Variants in PTPRD observed in about 807,000 individuals in gnomAD.
The protein encoded by PTPRD is receptor-type tyrosine-protein phosphatase delta.
Under a neutral mutation model 214.5 loss-of-function variants are expected in PTPRD, and 34 were observed. The observed-to-expected ratio is 0.16, with a 90% CI of 0.12 to 0.21. PTPRD has a LOEUF of 0.21. Among genes scored for constraint, PTPRD ranks in the 10% least tolerant of loss-of-function variants. The pLI is 1.00. For synonymous variants in PTPRD, 1,128 were observed against 845.7 expected, an observed-to-expected ratio of 1.33 and a Z score of -5.79; for missense variants, 2,545 against 2,398.7, an observed-to-expected ratio of 1.06 and a Z score of -1.27.
intron 3 of PTPRD, among the ~76,000 whole-genome samples, chr9:10,197,738 T>C (rs1661723639): frequency 1.3e-5 from 2 of 152,012 alleles, no homozygotes; most frequent in Admixed American, 6.6e-5. Flanking sequence ...GGCTGAGATA[T>C]GCAGTTTATA....
chr9:9,299,299 T>C (rs1450819626), intron 9 of PTPRD, among the ~76,000 whole-genome samples: 1 of 151,768 alleles, frequency 6.6e-6, no homozygotes, highest in Non-Finnish European at 1.5e-5. Flanking sequence ...AAGGGTGATT[T>C]TGCCCCCCAG....
At chr9:9,537,860 C>T (rs1174873656) in intron 8 of PTPRD, among the ~76,000 whole-genome samples, 1 of 151,876 alleles carries the variant, frequency 6.6e-6, no homozygotes, top group African/African-American at 2.4e-5. Context: ...AATTCATTTA[C>T]ATTTTAATGA....
At chr9:8,647,437 C>T (rs2096718590) in intron 12 of PTPRD, among the ~76,000 whole-genome samples, 1 of 151,894 alleles carries the variant, frequency 6.6e-6, no homozygotes, top group Admixed American at 6.6e-5. Context: ...ATTTTGTAAC[C>T]AACGTTTCAT....
chr9:10,530,141 C>T (rs971749847), intron 2 of PTPRD, among the ~76,000 whole-genome samples: 2 of 152,114 alleles, frequency 1.3e-5, no homozygotes, highest in Non-Finnish European at 2.9e-5. Context: ...ACTGTTTAGA[C>T]AATACATCTT....
chr9:9,066,255 T>C (rs1387530267), intron 10 of PTPRD, among the ~76,000 whole-genome samples: 2 of 152,154 alleles, frequency 1.3e-5, no homozygotes, highest in African/African-American at 2.4e-5. Flanking sequence ...TTACTTCTTA[T>C]GTTTGGAAGA....
At chr9:9,615,550 C>G (rs77046857) in intron 7 of PTPRD, among the ~76,000 whole-genome samples, 13,465 of 152,170 alleles carry the variant, frequency 0.088, 643 homozygotes, top group Middle Eastern at 0.18. Context: ...GCTACATTTA[C>G]CATAGTTTGT....
intron 10 of PTPRD, among the ~76,000 whole-genome samples, chr9:9,174,878 T>C (rs2099923684): frequency 6.6e-6 from 1 of 152,124 alleles, no homozygotes; most frequent in South Asian, 2.1e-4. Flanking sequence ...CACCCAAAAT[T>C]CATAATCTGA....
chr9:9,345,204 AC>A (rs2137643174), intron 9 of PTPRD, among the ~76,000 whole-genome samples: 1 of 152,298 alleles, frequency 6.6e-6, no homozygotes, highest in Admixed American at 6.5e-5. Context: ...ATTCTTCCTT[AC>A]TGATAATTAC....
rs148055920 is a variant in PTPRD, at chr9:8,925,337, G to C, written c.-104+93360C>G. Among the ~76,000 whole-genome samples, 303 of 152,030 alleles carry C rather than the reference G, an allele frequency of 2.0e-3. 1 individual carries two copies. Among genetic ancestry groups the C allele is most frequent in the African/African-American group, 7.1e-3 (296 of 41,442 alleles). Reference sequence around the variant, plus strand: ...GATGGCTCCGAGGCAGGGGATGCAGGGGAAGGTACATTCTCCACTATATAG... The same window carrying C: ...GATGGCTCCGAGGCAGGGGATGCAGCGGAAGGTACATTCTCCACTATATAG... On this transcript the variant is annotated intron_variant, in intron 11 of 45. Coordinates refer to ENST00000381196, the MANE Select transcript of PTPRD (RefSeq NM_002839.4).
chr9:9,498,503 T>A (rs571181961), intron 8 of PTPRD, among the ~76,000 whole-genome samples: 6 of 152,242 alleles, frequency 3.9e-5, no homozygotes, highest in African/African-American at 1.2e-4. Flanking sequence ...TCTCACTTCA[T>A]TGACATTTCA....
intron 8 of PTPRD, among the ~76,000 whole-genome samples, chr9:9,458,516 T>C (rs1289623840): frequency 6.6e-6 from 1 of 152,070 alleles, no homozygotes; most frequent in African/African-American, 2.4e-5. Context: ...GTATGAAATG[T>C]ATGAAAAGTG....
chr9:8,740,271 G>A (rs969625730), intron 11 of PTPRD, among the ~76,000 whole-genome samples: 22 of 151,998 alleles, frequency 1.4e-4, no homozygotes, highest in African/African-American at 5.3e-4. Flanking sequence ...TAATATTAAA[G>A]GAAAAATTAT....
chr9:9,670,313 A>C, intron 7 of PTPRD, among the ~76,000 whole-genome samples: 1 of 152,140 alleles, frequency 6.6e-6, no homozygotes. Context: ...CCAAGCAGCA[A>C]AGCATTCAAG....
Position 10,509,505 on chromosome 9 carries a change from T to TCTATCTATC in PTPRD, c.-600+102892_-600+102893insGATAGATAG, listed in dbSNP as rs1351429042. On this transcript the variant is annotated intron_variant, in intron 2 of 45. Coordinates refer to ENST00000381196, the MANE Select transcript of PTPRD (RefSeq NM_002839.4). ...TCTATCTATCTATCTATCTATCTAA[T>TCTATCTATC]GATCATTATAGCTGACTTACCTATA... Among the ~76,000 whole-genome samples the TCTATCTATC allele has an allele frequency of 8.0e-5, 5 of 62,412 alleles. No homozygotes were observed. In the East Asian group the frequency reaches 2.1e-3, roughly 27 times the overall value. The allele number at this position is 62,412 out of a possible 152,430, so 40.9% of individuals were successfully genotyped here. A position where few individuals can be genotyped will look rare whatever the true frequency, so the allele number is the denominator to read the frequency against.
intron 9 of PTPRD, among the ~76,000 whole-genome samples, chr9:9,242,904 A>G (rs965377808): frequency 6.6e-6 from 1 of 151,808 alleles, no homozygotes; most frequent in Non-Finnish European, 1.5e-5. Context: ...CCTTTGGAGG[A>G]GAAGAGTTGC....
Position 8,460,439 on chromosome 9 carries a change from T to C in PTPRD, c.3847A>G (p.Ile1283Val), listed in dbSNP as rs2096365588. ...PVLAVVFIIC[I>V]VIAILLYKRK... ...TTATAAAGAAGAATAGCAATGACAA[T>C]GCAGATGATAAAGACCACTGCAAGG... is the stretch of plus-strand genomic sequence containing the variant. Residue 1283 changes from isoleucine (I) to valine (V), a missense_variant, in exon 33 of 46, where the codon ATT becomes GTT. Coordinates refer to ENST00000381196, the MANE Select transcript of PTPRD (RefSeq NM_002839.4). 6.2e-7 allele frequency: 1 copy of C among 1,613,170 alleles called. No individual in the cohort carries two copies. The highest frequency in any genetic ancestry group is 8.5e-7 in the Non-Finnish European group (1 of 1,179,498).
chr9:8,881,908 A>G (rs2098449284), intron 11 of PTPRD, among the ~76,000 whole-genome samples: 1 of 152,180 alleles, frequency 6.6e-6, no homozygotes, highest in Admixed American at 6.5e-5. Context: ...ACTCGGAGGA[A>G]AGAAAGGAGA....
chr9:9,176,991 T>C (rs1464578886), intron 10 of PTPRD, among the ~76,000 whole-genome samples: 1 of 152,186 alleles, frequency 6.6e-6, no homozygotes, highest in Admixed American at 6.5e-5. Context: ...TTTTTCTGTC[T>C]GTATATCCTA....
chr9:9,452,908 T>C (rs905331288), intron 8 of PTPRD, among the ~76,000 whole-genome samples: 2 of 151,582 alleles, frequency 1.3e-5, no homozygotes, highest in Non-Finnish European at 3.0e-5. Context: ...AAGCACATTC[T>C]TTCAAAATTA....
Sources: gnomAD v4.1 joint callset for allele counts (sites outside exome capture counted in the v4.1 genomes callset) on GRCh38, gnomAD v4.1.1 for gene constraint, MANE v1.5 for transcripts, NCBI Gene and HGNC (gene_info 2026-07-23, HGNC 2026-07-21) for gene names.